PTPRM: variants seen among roughly 807,000 people sequenced by gnomAD.
The protein encoded by PTPRM is receptor-type tyrosine-protein phosphatase mu.
Under a neutral mutation model 186.7 loss-of-function variants are expected in PTPRM, and 47 were observed. The observed-to-expected ratio is 0.25, with a 90% CI of 0.20 to 0.32. The LOEUF (loss-of-function observed/expected upper bound fraction) is 0.32. Ranked by LOEUF, PTPRM falls within the 10% of genes least tolerant of loss-of-function variation. The pLI is 1.00. For synonymous variants in PTPRM, 668 were observed against 674.9 expected (o/e 0.99, Z 0.16); for missense variants, 1,494 against 1,865.0 (o/e 0.80, Z 3.66).
chr18:8,015,220 G>T (rs895196899), intron 7 of PTPRM, among the ~76,000 whole-genome samples: 3 of 152,100 alleles, frequency 2.0e-5, no homozygotes, highest in Non-Finnish European at 4.4e-5. Flanking sequence ...GAGACAAAAT[G>T]AAACAAAATT....
chr18:7,772,370 T>G (rs550215629), intron 1 of PTPRM, among the ~76,000 whole-genome samples: 10 of 99,874 alleles, frequency 1.0e-4, no homozygotes, highest in South Asian at 4.3e-4. Flanking sequence ...TTTCTTTCTT[T>G]CTTTCTTTCT....
intron 4 of PTPRM, among the ~76,000 whole-genome samples, chr18:7,910,549 G>T (rs367767729): frequency 2.0e-5 from 3 of 152,208 alleles, no homozygotes; most frequent in Non-Finnish European, 4.4e-5. Flanking sequence ...AGTAGTGGCC[G>T]ATGGTCAGTC....
rs970926126 is a variant in PTPRM, at chr18:8,211,377, CTTTTTT to C, written c.2301-32661_2301-32656del. On this transcript the variant is annotated intron_variant, in intron 14 of 32. Coordinates refer to ENST00000580170, the MANE Select transcript of PTPRM (RefSeq NM_001105244.2). The stretch of plus-strand genomic sequence containing the variant: ...GGGAAGCTTGTGTAGGTCTCTTCTT[CTTTTTT>C]TTTTTTTTTTTTTTTTTTTGTTTGT... Among the ~76,000 whole-genome samples the C allele has an allele frequency of 3.3e-4, 29 of 87,238 alleles. No individual in the cohort carries two copies. The South Asian group carries it at 7.2e-3, about 22-fold the overall frequency. The allele number at this position is 87,238 out of a possible 152,430, so 57.2% of individuals were successfully genotyped here. A position where few individuals can be genotyped will look rare whatever the true frequency, so the allele number is the denominator to read the frequency against.
intron 1 of PTPRM, among the ~76,000 whole-genome samples, chr18:7,725,212 A>G (rs2040522327): frequency 6.6e-6 from 1 of 152,196 alleles, no homozygotes; most frequent in Admixed American, 6.5e-5. Context: ...GAAATTGTAC[A>G]GAGTATCATT....
intron 22 of PTPRM, among the ~76,000 whole-genome samples, chr18:8,326,488 G>A (rs939061075): frequency 6.6e-6 from 1 of 152,090 alleles, no homozygotes; most frequent in African/African-American, 2.4e-5. Context: ...GCAATCCTAA[G>A]CAAAAAGAAC....
At chr18:8,383,296 C>CAAAAAAAAA (rs59442781) in intron 29 of PTPRM, among the ~76,000 whole-genome samples, 13 of 30,432 alleles carry the variant, frequency 4.3e-4, no homozygotes, top group South Asian at 2.7e-3. Context: ...GCTTCTGCCT[C>CAAAAAAAAA]AAAAAAAAAA....
chr18:8,358,013 A>G (rs1465978542), intron 23 of PTPRM, among the ~76,000 whole-genome samples: 1 of 152,196 alleles, frequency 6.6e-6, no homozygotes, highest in East Asian at 1.9e-4. Flanking sequence ...TTTCTTATAT[A>G]AAACTTCATA....
At chr18:7,703,320 C>A (rs1391020413) in intron 1 of PTPRM, among the ~76,000 whole-genome samples, 3 of 152,100 alleles carry the variant, frequency 2.0e-5, no homozygotes, top group Non-Finnish European at 4.4e-5. Flanking sequence ...GAATGTTTTT[C>A]CATTTTTTGT....
intron 7 of PTPRM, among the ~76,000 whole-genome samples, chr18:8,008,841 A>G (rs922475625): frequency 1.3e-5 from 2 of 152,214 alleles, no homozygotes; most frequent in Non-Finnish European, 1.5e-5. Flanking sequence ...GACACTAGGA[A>G]TATGAAAAGA....
intron 24 of PTPRM, among the ~76,000 whole-genome samples, chr18:8,372,722 A>G (rs200842958): frequency 3.6e-4 from 5 of 13,908 alleles, no homozygotes; most frequent in African/African-American, 2.2e-3. Context: ...GCAGAATTGG[A>G]AAAAAAAAAA....
chr18:8,332,278 G>C (rs1314066182), intron 22 of PTPRM, among the ~76,000 whole-genome samples: 1 of 152,154 alleles, frequency 6.6e-6, no homozygotes, highest in African/African-American at 2.4e-5. Flanking sequence ...TGGTTGAAGG[G>C]TTGTATAGCA....
intron 1 of PTPRM, among the ~76,000 whole-genome samples, chr18:7,610,804 C>G (rs895649967): frequency 6.6e-6 from 1 of 152,292 alleles, no homozygotes; most frequent in Non-Finnish European, 1.5e-5. Flanking sequence ...GTTATGTATA[C>G]TTTTAGATTG....
rs550521458 is a variant in PTPRM at position 7,985,342 on chromosome 18, C to A, written c.1132+29928C>A. On this transcript the variant is annotated intron_variant, in intron 7 of 32. Transcript: ENST00000580170. ...AAATATATACATATAATTGTATATA[C>A]ACATAAATATATACATATACTGGTA... Among the ~76,000 whole-genome samples the A allele has an allele frequency of 8.0e-5, 10 of 124,262 alleles. 1 individual carries two copies. The South Asian group carries it at 2.6e-3, about 32-fold the overall frequency. The allele number at this position is 124,262 out of a possible 152,430, so 81.5% of individuals were successfully genotyped here.
intron 2 of PTPRM, among the ~76,000 whole-genome samples, chr18:7,785,116 A>T (rs1379459673): frequency 6.6e-6 from 1 of 152,208 alleles, no homozygotes; most frequent in Non-Finnish European, 1.5e-5. Flanking sequence ...GGGACTGCCA[A>T]GTACATGGAA....
chr18:8,142,124 T>G (rs1408817649), intron 13 of PTPRM, among the ~76,000 whole-genome samples: 1 of 152,200 alleles, frequency 6.6e-6, no homozygotes, highest in African/African-American at 2.4e-5. Flanking sequence ...ACAACTAGTT[T>G]GAGGGATATT....
chr18:7,999,431 A>G (rs186528792), intron 7 of PTPRM, among the ~76,000 whole-genome samples: 194 of 152,220 alleles, frequency 1.3e-3, no homozygotes, highest in African/African-American at 4.5e-3. Context: ...TGATAGTATC[A>G]GTATAGGCTA....
intron 1 of PTPRM, among the ~76,000 whole-genome samples, chr18:7,658,750 T>C (rs1236864924): frequency 6.6e-6 from 1 of 152,176 alleles, no homozygotes; most frequent in Admixed American, 6.5e-5. Context: ...GTGCTGTTTT[T>C]CTCACATGAA....
chr18:7,816,525 A>G (rs553931512), intron 2 of PTPRM, among the ~76,000 whole-genome samples: 76 of 152,352 alleles, frequency 5.0e-4, no homozygotes, highest in Middle Eastern at 3.4e-3. Flanking sequence ...TAAAGATGTC[A>G]TCTAGAATCT....
At chr18:8,123,187 C>A (rs1397841309) in intron 13 of PTPRM, among the ~76,000 whole-genome samples, 1 of 152,202 alleles carries the variant, frequency 6.6e-6, no homozygotes, top group African/African-American at 2.4e-5. Flanking sequence ...AGATTTCTAA[C>A]ATGATTACCT....
Sources: gnomAD v4.1 joint callset for allele counts (sites outside exome capture counted in the v4.1 genomes callset) on GRCh38, gnomAD v4.1.1 for gene constraint, MANE v1.5 for transcripts, NCBI Gene and HGNC (gene_info 2026-07-23, HGNC 2026-07-21) for gene names.